AXL: variants seen among roughly 807,000 people sequenced by gnomAD.
AXL encodes AXL receptor tyrosine kinase.
In AXL, 52 loss-of-function variants were observed where a neutral mutation model predicts 104.5. The observed-to-expected ratio is 0.50, with a 90% CI of 0.40 to 0.63. The LOEUF (loss-of-function observed/expected upper bound fraction) is 0.63. Ranked by LOEUF, AXL falls within the 20% of genes least tolerant of loss-of-function variation. The pLI is 0.00. For synonymous variants in AXL, 455 were observed against 473.7 expected (o/e 0.96, Z 0.51); for missense variants, 1,024 against 1,188.5 (o/e 0.86, Z 2.04).
intron 6 of AXL, among the ~76,000 whole-genome samples, chr19:41,232,200 A>C (rs927415056): frequency 8.5e-5 from 13 of 152,184 alleles, no homozygotes; most frequent in Admixed American, 7.2e-4. Context: ...TGTCCCAGTC[A>C]CCACTGGCTC....
At chr19:41,221,593 G>C (rs781652638) in intron 3 of AXL, 2 of 506,520 alleles carry the variant, frequency 3.9e-6, no homozygotes, top group African/African-American at 4.0e-5. Context: ...CGACCCCAGC[G>C]GTCTCTTTTT....
At chr19:41,234,340 G>T (rs1041316826) in intron 6 of AXL, among the ~76,000 whole-genome samples, 4 of 152,140 alleles carry the variant, frequency 2.6e-5, no homozygotes, top group African/African-American at 9.7e-5. Context: ...TATTTGCTAG[G>T]CCGGGTGCCA....
intron 18 of AXL, 149 bp from the exon 19 acceptor site, chr19:41,257,344 A>G (rs1371700262): frequency 3.4e-6 from 4 of 1,160,050 alleles, no homozygotes; most frequent in African/African-American, 1.5e-5. Context: ...GCACCCGGCT[A>G]AAGTATTATG....
rs1189991611 is a variant in AXL, at chr19:41,255,421, CCTTT to C, written c.2037-1025_2037-1022del. The stretch of plus-strand genomic sequence containing the variant: ...CCTTCCCTCCCTCCCTCTCTCTTTC[CCTTT>C]CTTTCCCTTTTTTTCTTTCTTTTCT... On this transcript the variant is annotated intron_variant, in intron 17 of 19. Transcript: ENST00000301178. 8.2e-5 allele frequency among the ~76,000 whole-genome samples: 12 copies of C among 146,848 alleles called. No homozygotes were observed. The South Asian group carries it at 2.6e-3, about 32-fold the overall frequency.
intron 17 of AXL, among the ~76,000 whole-genome samples, chr19:41,255,019 G>T (rs1467591378): frequency 2.0e-5 from 3 of 152,224 alleles, no homozygotes; most frequent in African/African-American, 4.8e-5. Context: ...TGAAGGTAAA[G>T]AATATTTCTT....
rs764006933 is a variant in AXL, at chr19:41,222,054, C to T, written c.584C>T (p.Pro195Leu). 3 of 1,562,704 alleles carry T rather than the reference C, an allele frequency of 1.9e-6. No individual in the cohort carries two copies. In the South Asian group the frequency reaches 3.6e-5, roughly 19 times the overall value. Reference protein sequence around the residue: ...GHGPQRSLHVPGLNKTSSFSC... With the variant: ...GHGPQRSLHVLGLNKTSSFSC... ...GGCCCCCAGCGCAGCCTGCATGTTCCAGGTGAGTCCGGGGATGTGGGTCAG... is the reference window on the plus strand; with the variant it reads ...GGCCCCCAGCGCAGCCTGCATGTTCTAGGTGAGTCCGGGGATGTGGGTCAG... Residue 195 changes from proline to leucine, a missense_variant and splice_region_variant, in exon 4 of 20, where the codon CCA (proline) becomes CTA (leucine). This residue lies in a region of AXL where 332 missense variants were observed against 343.9 expected (regional missense o/e 0.97). Transcript: ENST00000301178.
At chr19:41,226,702 A>C in intron 4 of AXL, 1 of 975,506 alleles carries the variant, frequency 1.0e-6, no homozygotes, top group Non-Finnish European at 1.2e-6. Flanking sequence ...CCATCCACAG[A>C]TACACGCAGG....
intron 2 of AXL, 37 bp downstream of exon 2, chr19:41,220,895 C>A (rs375833334): frequency 1.3e-5 from 21 of 1,601,276 alleles, no homozygotes; most frequent in African/African-American, 1.1e-4. Flanking sequence ...CTCCCACCTC[C>A]GTCACACAGA....
chr19:41,248,319 C>A (rs2122263364), intron 12 of AXL, among the ~76,000 whole-genome samples, 195 bp from the exon 13 acceptor site: 1 of 152,358 alleles, frequency 6.6e-6, no homozygotes, highest in African/African-American at 2.4e-5. Flanking sequence ...CTTGAGTTCC[C>A]TTTGAGGGAA....
intron 19 of AXL, among the ~76,000 whole-genome samples, chr19:41,258,606 T>C (rs1030173697): frequency 1.3e-5 from 2 of 152,088 alleles, no homozygotes; most frequent in Non-Finnish European, 2.9e-5. Flanking sequence ...TTAGTAGAGA[T>C]GGGGTTTCAC....
chr19:41,229,940 TGA>T (rs1254352291), intron 4 of AXL, among the ~76,000 whole-genome samples: 1 of 152,018 alleles, frequency 6.6e-6, no homozygotes, highest in Non-Finnish European at 1.5e-5. Flanking sequence ...TTTGTGCATG[TGA>T]GTGTGTGCAT....
intron 6 of AXL, among the ~76,000 whole-genome samples, chr19:41,236,477 A>T (rs2034081467): frequency 6.6e-6 from 1 of 151,002 alleles, no homozygotes; most frequent in South Asian, 2.1e-4. Context: ...ACTCCAGCTC[A>T]GGTGATGAAA....
At position 41,259,927 on chromosome 19, in the gene AXL, C is replaced by A; in HGVS notation, c.*23C>A. ...TGAGACAACCCTCCACCTGGTACTC[C>A]CTCTCAGGATCCAAGCTAAGCACTG... On this transcript the variant is annotated 3_prime_UTR_variant, in exon 20 of 20. Coordinates refer to ENST00000301178, the MANE Select transcript of AXL (RefSeq NM_021913.5). The A allele has an allele frequency of 6.6e-7, 1 of 1,525,442 alleles. No individual in the cohort carries two copies. The allele number at this position is 1,525,442 out of a possible 1,614,324, so 94.5% of individuals were successfully genotyped here.
At chr19:41,232,977 T>C (rs1179305528) in intron 6 of AXL, among the ~76,000 whole-genome samples, 1 of 151,952 alleles carries the variant, frequency 6.6e-6, no homozygotes, top group African/African-American at 2.4e-5. Flanking sequence ...CCTTAGAAAC[T>C]GTTTTTTGTT....
chr19:41,230,864 C>T lies in AXL; in HGVS notation c.587-103C>T, dbSNP rs2033973624. ...CAGGCAAGTGCCTGTGTGGGCTGCA[C>T]TGCCCCTGGTCAGGCAGGCCATGGT... is the stretch of plus-strand genomic sequence containing the variant. On this transcript the variant is annotated intron_variant, in intron 4 of 19. Transcript: ENST00000301178. The T allele has an allele frequency of 9.7e-6, 12 of 1,232,028 alleles. No homozygotes were observed. In the South Asian group the frequency reaches 1.5e-4, roughly 15 times the overall value. 76.3% of individuals were successfully genotyped at this position (1,232,028 alleles called of 1,614,324 possible).
At chr19:41,236,278 A>C (rs1309887274) in intron 6 of AXL, among the ~76,000 whole-genome samples, 1 of 149,374 alleles carries the variant, frequency 6.7e-6, no homozygotes, top group African/African-American at 2.5e-5. Flanking sequence ...GGTTGCAGTG[A>C]GCCGAGATTG....
At chr19:41,250,649 G>T (rs184631790) in intron 14 of AXL, among the ~76,000 whole-genome samples, 78 of 152,156 alleles carry the variant, frequency 5.1e-4, no homozygotes, top group African/African-American at 1.8e-3. Context: ...CACCATGTTG[G>T]CCAGGATGGT....
chr19:41,239,771 G>A, intron 10 of AXL, 51 bp downstream of exon 10: 1 of 1,603,000 alleles, frequency 6.2e-7, no homozygotes, highest in East Asian at 2.2e-5. Flanking sequence ...AACACCTAGT[G>A]GGGGCACTGT....
chr19:41,260,039 A>T lies in AXL; in HGVS notation c.*135A>T. 1 of 750,730 alleles carries T rather than the reference A, an allele frequency of 1.3e-6. No individual in the cohort carries two copies. The highest frequency in any genetic ancestry group is 2.1e-6 in the Non-Finnish European group (1 of 477,672). The allele number at this position is 750,730 out of a possible 1,614,324, so 46.5% of individuals were successfully genotyped here. A position where few individuals can be genotyped will look rare whatever the true frequency, so the allele number is the denominator to read the frequency against. On this transcript the variant is annotated 3_prime_UTR_variant, in exon 20 of 20. Transcript: ENST00000301178. ...CTGTCTTCCTACCTATCCCACCTCC[A>T]TCCCAGACAGGTCCCTCCCCTTCTC...
Sources: allele counts gnomAD v4.1 joint callset (sites outside exome capture counted in the v4.1 genomes callset), GRCh38; gene constraint gnomAD v4.1.1; regional missense constraint gnomAD v4.1.1; transcripts MANE v1.5; gene names NCBI Gene and HGNC (gene_info 2026-07-23, HGNC 2026-07-21).